Variants in TMEM132B observed in about 807,000 individuals in gnomAD.
The protein encoded by TMEM132B is transmembrane protein 132B.
TMEM132B carries 18 observed loss-of-function variants against 90.8 expected under a neutral mutation model. The ratio of observed to expected loss-of-function variants is 0.20; its 90% CI spans 0.14 to 0.29. TMEM132B has a LOEUF of 0.29. Ranked by LOEUF, TMEM132B falls within the 10% of genes least tolerant of loss-of-function variation. The pLI is 1.00. For synonymous variants in TMEM132B, 504 were observed against 523.3 expected (o/e 0.96, Z 0.50); for missense variants, 1,096 against 1,326.8 (o/e 0.83, Z 2.70).
chr12:125,565,617 G>A (rs908415984), intron 4 of TMEM132B, among the ~76,000 whole-genome samples: 2 of 152,216 alleles, frequency 1.3e-5, no homozygotes, highest in African/African-American at 4.8e-5. Flanking sequence ...GAGCTGGAAG[G>A]GGGATGGAGT....
In TMEM132B at chr12:125,492,153, C is replaced by T. The variant is rs1882369616; in HGVS notation, c.1107-27286C>T. ...GGGGAAGGGTGAGAGTGCCCTGCTG[C>T]CCGCCCCCACCGCTCCTCACCTTGC... is the stretch of plus-strand genomic sequence containing the variant. On this transcript the variant is annotated intron_variant, in intron 3 of 8. Transcript: ENST00000682704. This position sits in a 1 kb window ranked among gnomAD's most constrained non-coding sequence, Gnocchi z 5.8. Among the ~76,000 whole-genome samples, 3 of 152,108 alleles carry T rather than the reference C, an allele frequency of 2.0e-5. No individual in the cohort carries two copies. In the South Asian group the frequency reaches 6.2e-4, roughly 32 times the overall value.
intron 3 of TMEM132B, among the ~76,000 whole-genome samples, chr12:125,436,383 C>T (rs1349709279): frequency 6.6e-6 from 1 of 152,138 alleles, no homozygotes; most frequent in East Asian, 1.9e-4. Flanking sequence ...CCCTGTACCA[C>T]ACACACAGGC....
At chr12:125,220,363 TGGA>T (rs1873530449) in intron 1 of TMEM132B, among the ~76,000 whole-genome samples, 1 of 152,192 alleles carries the variant, frequency 6.6e-6, no homozygotes, top group Non-Finnish European at 1.5e-5. Flanking sequence ...CCTCACCGCC[TGGA>T]GACACGTAAC....
At chr12:125,192,774 T>A (rs1243396740) in intron 1 of TMEM132B, among the ~76,000 whole-genome samples, 1 of 152,162 alleles carries the variant, frequency 6.6e-6, no homozygotes, top group East Asian at 1.9e-4. Flanking sequence ...AAACTTCTCT[T>A]GTTAGTCACC....
chr12:125,399,998 T>C (rs896858510), intron 2 of TMEM132B, among the ~76,000 whole-genome samples: 1 of 152,120 alleles, frequency 6.6e-6, no homozygotes, highest in Admixed American at 6.5e-5. Context: ...TTGGATGGGG[T>C]GGAGCAGACA....
Position 125,393,802 on chromosome 12 carries a change from C to T in TMEM132B, c.960-21729C>T, listed in dbSNP as rs548123551. On this transcript the variant is annotated intron_variant, in intron 2 of 8. Transcript: ENST00000682704. ...ATTATAGTGATATGGAACAGTGCTT[C>T]GTGCAGGAACTTCATGGGACAAACC... is the stretch of plus-strand genomic sequence containing the variant. Among the ~76,000 whole-genome samples the T allele has an allele frequency of 1.1e-3, 164 of 152,300 alleles. No homozygotes were observed. The Middle Eastern group carries it at 0.041, about 38-fold the overall frequency.
At chr12:125,419,931 A>G (rs1455234336) in intron 3 of TMEM132B, among the ~76,000 whole-genome samples, 1 of 152,210 alleles carries the variant, frequency 6.6e-6, no homozygotes, top group Admixed American at 6.5e-5. Context: ...TGGGGCACTC[A>G]AAGCTCTAAA....
intron 1 of TMEM132B, among the ~76,000 whole-genome samples, chr12:125,229,861 GC>G (rs1445527803): frequency 6.6e-6 from 1 of 152,250 alleles, no homozygotes; most frequent in Non-Finnish European, 1.5e-5. Flanking sequence ...AAAGAGAACA[GC>G]TATTGCTCGA....
intron 1 of TMEM132B, among the ~76,000 whole-genome samples, chr12:125,324,560 C>T (rs958528556): frequency 1.3e-5 from 2 of 152,124 alleles, no homozygotes; most frequent in African/African-American, 4.8e-5. Flanking sequence ...GACCACACAG[C>T]AGCAGGCTAG....
At chr12:125,520,570 G>A (rs542198400) in intron 4 of TMEM132B, among the ~76,000 whole-genome samples, 3 of 152,012 alleles carry the variant, frequency 2.0e-5, no homozygotes, top group Admixed American at 2.0e-4. Context: ...CATCTCCCAC[G>A]TCTGGGTCCT....
At chr12:125,479,998 C>G (rs1881995578) in intron 3 of TMEM132B, among the ~76,000 whole-genome samples, 2 of 152,180 alleles carry the variant, frequency 1.3e-5, no homozygotes, top group Non-Finnish European at 1.5e-5. Flanking sequence ...CAACCTGCTC[C>G]TGATTGACTA....
In TMEM132B at chr12:125,294,963, G is replaced by C. The variant is rs552529185; in HGVS notation, c.68-54489G>C. Among the ~76,000 whole-genome samples the C allele has an allele frequency of 3.9e-5, 6 of 152,314 alleles. No individual in the cohort carries two copies. The East Asian group carries it at 1.2e-3, about 29-fold the overall frequency. On this transcript the variant is annotated intron_variant, in intron 1 of 8. Coordinates refer to ENST00000682704, the MANE Select transcript of TMEM132B (RefSeq NM_001366854.1). Reference sequence around the variant, plus strand: ...GAAACTATGCATAAAGAAAAATGCAGGAAGCATGTACAACCTTAACGGCGG... The same window carrying C: ...GAAACTATGCATAAAGAAAAATGCACGAAGCATGTACAACCTTAACGGCGG...
chr12:125,409,639 AGGAGTGGAGT>A (rs1192246942), intron 2 of TMEM132B, among the ~76,000 whole-genome samples: 618 of 48,600 alleles, frequency 0.013, 18 homozygotes, highest in Non-Finnish European at 0.017. Context: ...AGTGGAGTGG[AGGAGTGGAGT>A]GGAGTGGAGT....
At chr12:125,325,734 C>A (rs984757283) in intron 1 of TMEM132B, among the ~76,000 whole-genome samples, 1 of 145,276 alleles carries the variant, frequency 6.9e-6, no homozygotes, top group Non-Finnish European at 1.5e-5. Context: ...TTTCTAAGAA[C>A]TTTGTTTTGT....
chr12:125,412,567 A>C (rs1879881002), intron 2 of TMEM132B, among the ~76,000 whole-genome samples: 1 of 152,136 alleles, frequency 6.6e-6, no homozygotes, highest in African/African-American at 2.4e-5. Context: ...GTCGTGCGCT[A>C]TCGGGTGGGA....
chr12:125,483,957 A>T (rs1882130128), intron 3 of TMEM132B, among the ~76,000 whole-genome samples: 1 of 152,204 alleles, frequency 6.6e-6, no homozygotes, highest in African/African-American at 2.4e-5. Context: ...TTAACCTAAC[A>T]TGAACATAAT....
intron 1 of TMEM132B, among the ~76,000 whole-genome samples, chr12:125,243,122 T>C (rs7955920): frequency 0.32 from 33,408 of 103,316 alleles, 4,372 homozygotes; most frequent in East Asian, 0.52. Flanking sequence ...TATATATATA[T>C]ACACACACAC....
intron 3 of TMEM132B, among the ~76,000 whole-genome samples, chr12:125,508,504 G>T (rs146114947): frequency 6.1e-4 from 93 of 152,294 alleles, no homozygotes; most frequent in Non-Finnish European, 1.2e-3. Flanking sequence ...GGCTTTCAGG[G>T]TGTTGGACTT....
At position 125,197,167 on chromosome 12, in the gene TMEM132B, CCTGT is replaced by C. The variant is rs200082288; in HGVS notation, c.67+10302_67+10305del. On this transcript the variant is annotated intron_variant, in intron 1 of 8. Transcript: ENST00000682704. The stretch of plus-strand genomic sequence containing the variant: ...TCTCCCGCCTCCCACCCTGCACCCT[CCTGT>C]AGGCCCCAGTGTGTGTTGTTCCCCT... Among the ~76,000 whole-genome samples, 1,409 of 152,178 alleles carry C rather than the reference CCTGT, an allele frequency of 9.3e-3. 80 individuals are homozygous for C. Among genetic ancestry groups the C allele is most frequent in the Non-Finnish European group, 1.7e-3 (119 of 68,028 alleles).
Sources: gnomAD v4.1 joint callset for allele counts (sites outside exome capture counted in the v4.1 genomes callset) on GRCh38, gnomAD v4.1.1 for gene constraint, Gnocchi (gnomAD v3.1) non-coding constraint, MANE v1.5 for transcripts, NCBI Gene and HGNC (gene_info 2026-07-23, HGNC 2026-07-21) for gene names.